The following MAPKAPK2 variants were observed in gnomAD, a reference collection of about 807,000 sequenced individuals.
The protein encoded by MAPKAPK2 is MAPK activated protein kinase 2.
MAPKAPK2 carries 9 observed loss-of-function variants against 48.8 expected under a neutral mutation model. That is an observed-to-expected ratio of 0.18 (90% CI 0.11 to 0.32). The LOEUF (loss-of-function observed/expected upper bound fraction) is 0.32, where lower values mean the gene tolerates loss of function less well. MAPKAPK2 is among the 10% of genes least tolerant of loss of function. MAPKAPK2 has a pLI of 1.00. For synonymous variants in MAPKAPK2, 202 were observed against 190.6 expected (o/e 1.06, Z -0.49); for missense variants, 331 against 498.3 (o/e 0.66, Z 3.20).
In MAPKAPK2 at chr1:206,729,403, C is replaced by G; in HGVS notation, c.492C>G (p.Ser164=). The G allele has an allele frequency of 6.2e-7, 1 of 1,613,602 alleles. No individual in the cohort carries two copies. The highest frequency in any genetic ancestry group is 1.3e-5 in the African/African-American group (1 of 75,012). ...GDQAFTEREA[S]EIMKSIGEAI... is the part of the protein sequence containing the mutation. ...CTTCCCTCCCCTCTACAGAAGCATC[C>G]GAAATCATGAAGAGCATCGGTGAGG... is the stretch of plus-strand genomic sequence containing the variant. Residue 164 remains serine, a synonymous_variant, in exon 4 of 10, where the codon TCC becomes TCG. Transcript: ENST00000367103.
Position 206,733,054 on chromosome 1 carries a change from A to C in MAPKAPK2, c.*336A>C, listed in dbSNP as rs781859813. The C allele has an allele frequency of 1.2e-5, 3 of 256,014 alleles. No individual in the cohort carries two copies. Among genetic ancestry groups the C allele is most frequent in the Non-Finnish European group, 2.3e-5 (3 of 132,258 alleles). 15.9% of individuals were successfully genotyped at this position (256,014 alleles called of 1,614,324 possible). ...CCACCAGACGCCTTCCTCTCTGGAT[A>C]CTGCAAAGGCTTGTGGTTTGTTAGA... On this transcript the variant is annotated 3_prime_UTR_variant, in exon 10 of 10. Coordinates refer to ENST00000367103, the MANE Select transcript of MAPKAPK2 (RefSeq NM_032960.4).
rs574479307 is a variant in MAPKAPK2 at position 206,696,263 on chromosome 1, G to T, written c.279+10755G>T. On this transcript the variant is annotated intron_variant, in intron 1 of 9. Coordinates refer to ENST00000367103, the MANE Select transcript of MAPKAPK2 (RefSeq NM_032960.4). ...TCCTTCTTTTCCTTCCCCTTTCAAG[G>T]TGCCATTTCTGCATGTTGTTTCCAG... The T allele has an allele frequency of 4.1e-5, 54 of 1,304,710 alleles. No individual in the cohort carries two copies. The African/African-American group carries it at 7.0e-4, about 17-fold the overall frequency. 80.8% of individuals were successfully genotyped at this position (1,304,710 alleles called of 1,614,324 possible).
chr1:206,695,719 A>C, intron 1 of MAPKAPK2: 1 of 258,240 alleles, frequency 3.9e-6, no homozygotes, highest in African/African-American at 2.3e-5. Context: ...CTTACCTTTT[A>C]TTTCTCTGTT....
At chr1:206,712,583 T>TTGTTTTCTTAGGGGGTG (rs138701851) in intron 1 of MAPKAPK2, among the ~76,000 whole-genome samples, 6,813 of 152,192 alleles carry the variant, frequency 0.045, 345 homozygotes, top group African/African-American at 0.12. Flanking sequence ...GCCTCTCCCA[T>TTGTTTTCTTAGGGGGTG]TGTTTTCTTA....
chr1:206,692,413 T>C (rs1672490148), intron 1 of MAPKAPK2, among the ~76,000 whole-genome samples: 1 of 152,212 alleles, frequency 6.6e-6, no homozygotes, highest in African/African-American at 2.4e-5. Flanking sequence ...GAAAAGGGGT[T>C]GCCTGGTGAT....
Position 206,726,010 on chromosome 1 carries a change from A to G in MAPKAPK2, c.280-2700A>G, listed in dbSNP as rs577203435. 3.7e-4 allele frequency among the ~76,000 whole-genome samples: 57 copies of G among 152,334 alleles called. 1 individual carries two copies. The highest frequency in any genetic ancestry group is 1.3e-3 in the African/African-American group (55 of 41,562). On this transcript the variant is annotated intron_variant, in intron 1 of 9. Coordinates refer to ENST00000367103, the MANE Select transcript of MAPKAPK2 (RefSeq NM_032960.4). The stretch of plus-strand genomic sequence containing the variant: ...GTAAATGCTTGCTGGATTGAATTAT[A>G]TACAAAGGAAATTGGCCAGTGCCTT...
In MAPKAPK2 at chr1:206,728,867, T is replaced by G; in HGVS notation, c.419+18T>G. 1 of 1,613,612 alleles carries G rather than the reference T, an allele frequency of 6.2e-7. No individual in the cohort carries two copies. The highest frequency in any genetic ancestry group is 8.5e-7 in the Non-Finnish European group (1 of 1,179,648). On this transcript the variant is annotated intron_variant, in intron 2 of 9. Transcript: ENST00000367103. The stretch of plus-strand genomic sequence containing the variant: ...ATGGAATGGTAAGCAGCCACTGTTC[T>G]AGTCCCGGCCCAGCCTGTTCCCACT...
intron 1 of MAPKAPK2, among the ~76,000 whole-genome samples, chr1:206,724,623 C>T (rs1228263571): frequency 6.8e-6 from 1 of 146,696 alleles, no homozygotes; most frequent in Non-Finnish European, 1.5e-5. Context: ...GACCAGTCTT[C>T]ATGGGAAATT....
At chr1:206,686,292 C>T (rs1672287712) in intron 1 of MAPKAPK2, among the ~76,000 whole-genome samples, 1 of 152,240 alleles carries the variant, frequency 6.6e-6, no homozygotes, top group Non-Finnish European at 1.5e-5. Context: ...CACTTGCTGT[C>T]CTGGACTCGC....
intron 1 of MAPKAPK2, among the ~76,000 whole-genome samples, chr1:206,699,091 A>G (rs1278549758): frequency 6.6e-6 from 1 of 152,258 alleles, no homozygotes; most frequent in Non-Finnish European, 1.5e-5. Context: ...GCCTTTGGAA[A>G]CATACAGTTT....
intron 1 of MAPKAPK2, among the ~76,000 whole-genome samples, chr1:206,718,914 G>C (rs922906337): frequency 1.3e-5 from 2 of 152,216 alleles, no homozygotes; most frequent in Non-Finnish European, 2.9e-5. Context: ...AACTGAATGT[G>C]TAAGAGAGTG....
chr1:206,693,405 A>T (rs544687180), intron 1 of MAPKAPK2, among the ~76,000 whole-genome samples: 1 of 150,838 alleles, frequency 6.6e-6, no homozygotes, highest in Admixed American at 6.6e-5. Context: ...GGGCTAACTC[A>T]CTCTTCTGAG....
chr1:206,718,302 C>T lies in MAPKAPK2; in HGVS notation c.280-10408C>T, dbSNP rs967976394. ...ATCCCAGCACTTTGGGAGGCCGAGGCGGGCAGATCACGAGGTCAGGAGATC... is the reference window on the plus strand; with the variant it reads ...ATCCCAGCACTTTGGGAGGCCGAGGTGGGCAGATCACGAGGTCAGGAGATC... On this transcript the variant is annotated intron_variant, in intron 1 of 9. Transcript: ENST00000367103. 3.9e-5 allele frequency among the ~76,000 whole-genome samples: 6 copies of T among 152,074 alleles called. No individual in the cohort carries two copies. In the South Asian group the frequency reaches 6.2e-4, roughly 16 times the overall value.
At chr1:206,726,213 G>A (rs183860868) in intron 1 of MAPKAPK2, among the ~76,000 whole-genome samples, 1 of 151,926 alleles carries the variant, frequency 6.6e-6, no homozygotes, top group African/African-American at 2.4e-5. Flanking sequence ...GGCGAAACCC[G>A]GTCTCTACTA....
chr1:206,728,623 CGGT>C, intron 1 of MAPKAPK2, 84 bp from the exon 2 acceptor site: 1 of 1,489,844 alleles, frequency 6.7e-7, no homozygotes, highest in East Asian at 2.3e-5. Flanking sequence ...TGTGGTATGT[CGGT>C]GGCGATGTCA....
chr1:206,707,239 C>A (rs905465336), intron 1 of MAPKAPK2, among the ~76,000 whole-genome samples: 1 of 152,046 alleles, frequency 6.6e-6, no homozygotes, highest in Non-Finnish European at 1.5e-5. Flanking sequence ...TTCCCCCACC[C>A]CCAGGCACTC....
intron 1 of MAPKAPK2, among the ~76,000 whole-genome samples, chr1:206,690,524 G>A (rs1672425948): frequency 6.6e-6 from 1 of 152,220 alleles, no homozygotes; most frequent in African/African-American, 2.4e-5. Context: ...GGAAGGTATT[G>A]GGACCTGTGA....
intron 1 of MAPKAPK2, among the ~76,000 whole-genome samples, chr1:206,698,059 A>G (rs1672686109): frequency 6.6e-6 from 1 of 152,272 alleles, no homozygotes; most frequent in Non-Finnish European, 1.5e-5. Context: ...CCTGGGTCCC[A>G]GGGAGCCTCG....
chr1:206,729,915 C>G, intron 4 of MAPKAPK2, 57 bp from the exon 5 acceptor site: 1 of 1,610,064 alleles, frequency 6.2e-7, no homozygotes, highest in Non-Finnish European at 8.5e-7. Context: ...CTTTTCGTTT[C>G]TGATAGCCCC....
Sources: gnomAD v4.1 joint callset for allele counts (sites outside exome capture counted in the v4.1 genomes callset) on GRCh38, gnomAD v4.1.1 for gene constraint, MANE v1.5 for transcripts, NCBI Gene and HGNC (gene_info 2026-07-23, HGNC 2026-07-21) for gene names.